The following C11orf16 variants were observed in gnomAD, a reference collection of about 807,000 sequenced individuals.
C11orf16 encodes the protein chromosome 11 open reading frame 16.
Under a neutral mutation model 45.1 loss-of-function variants are expected in C11orf16, and 38 were observed. That is an observed-to-expected ratio of 0.84 (90% confidence interval 0.65 to 1.10). C11orf16 has a LOEUF of 1.10. C11orf16 is among the 50% of genes least tolerant of loss of function. The pLI is 0.00. For missense variants in C11orf16, 583 were observed against 569.5 expected (o/e 1.02, Z -0.24); for synonymous variants, 221 against 222.0 (o/e 1.00, Z 0.04).
At chr11:8,924,640 G>A (rs1336927230) in intron 5 of C11orf16, among the ~76,000 whole-genome samples, 3 of 152,142 alleles carry the variant, frequency 2.0e-5, no homozygotes, top group Non-Finnish European at 4.4e-5. Flanking sequence ...CCCCCAGTGG[G>A]TCCCAGTGTG....
chr11:8,926,185 CTTTTTTT>C, intron 4 of C11orf16, 78 bp from the exon 5 acceptor site: 15 of 886,402 alleles, frequency 1.7e-5, no homozygotes, highest in African/African-American at 2.1e-5. Context: ...TTTTTCTTTT[CTTTTTTT>C]TTTTTTTTTT....
In C11orf16 at chr11:8,920,310, A is replaced by C. The variant is rs774162186; in HGVS notation, c.*163T>G. ...AGGTGCCTTCCTGCTGCTTATCTGCAGGGAGGTCTTCGTGGGGTGGAGATA... is the reference window on the plus strand; with the variant it reads ...AGGTGCCTTCCTGCTGCTTATCTGCCGGGAGGTCTTCGTGGGGTGGAGATA... On this transcript the variant is annotated 3_prime_UTR_variant, in exon 7 of 7. Transcript: ENST00000326053. 15 of 520,256 alleles carry C rather than the reference A, an allele frequency of 2.9e-5. No homozygotes were observed. The highest frequency in any genetic ancestry group is 4.4e-5 in the Non-Finnish European group (13 of 295,440). 32.2% of individuals were successfully genotyped at this position (520,256 alleles called of 1,614,324 possible). A position where few individuals can be genotyped will look rare whatever the true frequency, so the allele number is the denominator to read the frequency against.
At position 8,929,404 on chromosome 11, in the gene C11orf16, G is replaced by T; in HGVS notation, c.297C>A (p.Tyr99Ter). 1 of 1,614,048 alleles carries T rather than the reference G, an allele frequency of 6.2e-7. No individual in the cohort carries two copies. Among genetic ancestry groups the T allele is most frequent in the Non-Finnish European group, 8.5e-7 (1 of 1,179,974 alleles). Residue 99 changes from tyrosine (Y) to a stop codon, truncating the protein, a stop_gained, in exon 3 of 7, where the codon TAC (tyrosine) becomes TAA (stop). Coordinates refer to ENST00000326053, the MANE Select transcript of C11orf16 (RefSeq NM_020643.3). LOFTEE classifies it high-confidence loss of function. ...LARREADGFYYRAQIKATPEL... is the reference protein window; with the variant it reads ...LARREADGFY ...CGGGAGTGGCCTTTATTTGGGCCCG[G>T]TAGTAAAAACCATCTGCTTCCCTTC...
At position 8,927,134 on chromosome 11, in the gene C11orf16, G is replaced by A. The variant is rs1448003365; in HGVS notation, c.365C>T (p.Pro122Leu). 1 of 1,614,024 alleles carries A rather than the reference G, an allele frequency of 6.2e-7. No homozygotes were observed. Among genetic ancestry groups the A allele is most frequent in the South Asian group, 1.1e-5 (1 of 91,066 alleles). Residue 122 changes from proline to leucine, a missense_variant, in exon 4 of 7, where the codon CCT becomes CTT. Pro to Leu is a moderately conservative substitution (Grantham distance 98). Coordinates refer to ENST00000326053, the MANE Select transcript of C11orf16 (RefSeq NM_020643.3). ...TGGCAGCTTTGGGCCTGCGACAAGAGGAGCCTCGAATTCCACAAGCAGGAC... is the reference window on the plus strand; with the variant it reads ...TGGCAGCTTTGGGCCTGCGACAAGAAGAGCCTCGAATTCCACAAGCAGGAC... Reference protein sequence around the residue: ...QGVLLVEFEAPLVAGPKLPAQ... With the variant: ...QGVLLVEFEALLVAGPKLPAQ...
In C11orf16 at chr11:8,927,086, A is replaced by G. The variant is rs1049071940; in HGVS notation, c.413T>C (p.Leu138Ser). The part of the protein sequence containing the change: ...KLPAQQQRVV[L>S]EEDVIPLSPS... ...TGAGAGAGGAATGACATCCTCTTCTAAGACCACTCTCTGCTGCTGGGCTGG... is the reference window on the plus strand; with the variant it reads ...TGAGAGAGGAATGACATCCTCTTCTGAGACCACTCTCTGCTGCTGGGCTGG... The change falls in exon 4 of 7, where the codon TTA becomes TCA. Residue 138 changes from leucine (L) to serine (S), a missense_variant. Leu to Ser is a moderately radical substitution (Grantham distance 145, BLOSUM62 -2). Transcript: ENST00000326053. The G allele has an allele frequency of 6.2e-7, 1 of 1,614,058 alleles. No homozygotes were observed. The highest frequency in any genetic ancestry group is 1.3e-5 in the African/African-American group (1 of 74,932).
rs1397088017 is a variant in C11orf16 at position 8,920,367 on chromosome 11, G to C, written c.*106C>G. 1.6e-6 allele frequency: 1 copy of C among 631,484 alleles called. No homozygotes were observed. The highest frequency in any genetic ancestry group is 1.9e-5 in the African/African-American group (1 of 53,562). 39.1% of individuals were successfully genotyped at this position (631,484 alleles called of 1,614,324 possible). On this transcript the variant is annotated 3_prime_UTR_variant, in exon 7 of 7. Coordinates refer to ENST00000326053, the MANE Select transcript of C11orf16 (RefSeq NM_020643.3). The stretch of plus-strand genomic sequence containing the variant: ...GTTATTTGACTGTTACCTGTGGCCT[G>C]TCCTCTGCCTCCTTCCGTTGAAGAA...
chr11:8,920,443 T>G lies in C11orf16; in HGVS notation c.*30A>C, dbSNP rs534345395. On this transcript the variant is annotated 3_prime_UTR_variant, in exon 7 of 7. Coordinates refer to ENST00000326053, the MANE Select transcript of C11orf16 (RefSeq NM_020643.3). ...TCTCCTCGAATATTTACCATGTTTATTCTTTACCTATAAAAGGGGGAAAAA... is the reference window on the plus strand; with the variant it reads ...TCTCCTCGAATATTTACCATGTTTAGTCTTTACCTATAAAAGGGGGAAAAA... 2 of 676,974 alleles carry G rather than the reference T, an allele frequency of 3.0e-6. No homozygotes were observed. Among genetic ancestry groups the G allele is most frequent in the South Asian group, 3.2e-5 (2 of 62,868 alleles). The allele number at this position is 676,974 out of a possible 1,614,324, so 41.9% of individuals were successfully genotyped here. A position where few individuals can be genotyped will look rare whatever the true frequency, so the allele number is the denominator to read the frequency against.
At chr11:8,928,346 A>C (rs1342136859) in intron 3 of C11orf16, among the ~76,000 whole-genome samples, 1 of 152,140 alleles carries the variant, frequency 6.6e-6, no homozygotes, top group Non-Finnish European at 1.5e-5. Context: ...TAGCCACTGA[A>C]GTACAGGCCA....
At position 8,921,425 on chromosome 11, in the gene C11orf16, A is replaced by G; in HGVS notation, c.1295T>C (p.Val432Ala). The change falls in exon 6 of 7, where the codon GTC becomes GCC. Residue 432 changes from valine (V) to alanine (A), a missense_variant. Val to Ala is a moderately conservative substitution (Grantham distance 64). Transcript: ENST00000326053. Reference sequence around the variant, plus strand: ...TGGCTTCATGTGGGTTGCTTTCGAGACCAGCTCCTTGGTAGTCCCCACTAC... The same window carrying G: ...TGGCTTCATGTGGGTTGCTTTCGAGGCCAGCTCCTTGGTAGTCCCCACTAC... The part of the protein sequence containing the change: ...TAVVGTTKEL[V>A]SKATHMKPPR... 1 of 1,614,160 alleles carries G rather than the reference A, an allele frequency of 6.2e-7. No individual in the cohort carries two copies. The highest frequency in any genetic ancestry group is 2.2e-5 in the East Asian group (1 of 44,884).
At chr11:8,922,802 A>G (rs1371494630) in intron 5 of C11orf16, among the ~76,000 whole-genome samples, 1 of 152,256 alleles carries the variant, frequency 6.6e-6, no homozygotes. Context: ...GGAGGGGAGA[A>G]AAGCAAAGCT....
chr11:8,921,417 C>T lies in C11orf16; in HGVS notation c.1303G>A (p.Ala435Thr), dbSNP rs768609391. 2 of 1,614,208 alleles carry T rather than the reference C, an allele frequency of 1.2e-6. No homozygotes were observed. The highest frequency in any genetic ancestry group is 1.7e-5 in the Admixed American group (1 of 60,024). The change falls in exon 6 of 7, where the codon GCA (alanine) becomes ACA (threonine). Residue 435 changes from alanine to threonine, a missense_variant. Coordinates refer to ENST00000326053, the MANE Select transcript of C11orf16 (RefSeq NM_020643.3). ...VGTTKELVSK[A>T]THMKPPRTPP... ...GTCCGCGGTGGCTTCATGTGGGTTG[C>T]TTTCGAGACCAGCTCCTTGGTAGTC...
At position 8,932,234 on chromosome 11, in the gene C11orf16, G is replaced by A. The variant is rs1462827215; in HGVS notation, c.75C>T (p.Gly25=). Residue 25 remains glycine (G), a synonymous_variant, in exon 2 of 7, where the codon GGC becomes GGT. Transcript: ENST00000326053. ...CCCAAGGTGGAGCAGCACCGTCCCA[G>A]CCAGGGGCCTTCAGGCTTGTGGCCA... The part of the protein sequence containing the change: ...CSVATSLKAP[G]WDGAAPPWDL... 5.6e-6 allele frequency: 9 copies of A among 1,609,292 alleles called. No individual in the cohort carries two copies. The highest frequency in any genetic ancestry group is 7.6e-6 in the Non-Finnish European group (9 of 1,178,044).
chr11:8,923,293 C>T (rs1175874222), intron 5 of C11orf16, among the ~76,000 whole-genome samples: 1 of 152,150 alleles, frequency 6.6e-6, no homozygotes, highest in African/African-American at 2.4e-5. Flanking sequence ...GGAACACAGA[C>T]GTGGTATCTA....
intron 5 of C11orf16, among the ~76,000 whole-genome samples, chr11:8,925,022 AGT>A (rs2064600279): frequency 6.6e-6 from 1 of 152,138 alleles, no homozygotes; most frequent in South Asian, 2.1e-4. Context: ...CCAGCAGGAG[AGT>A]GGGGCCTCAC....
chr11:8,922,409 A>G (rs1260215100), intron 5 of C11orf16, among the ~76,000 whole-genome samples: 1 of 152,112 alleles, frequency 6.6e-6, no homozygotes, highest in Non-Finnish European at 1.5e-5. Flanking sequence ...AACAAAAATA[A>G]TGGGAGATGT....
intron 5 of C11orf16, among the ~76,000 whole-genome samples, chr11:8,922,349 G>C (rs1043043235): frequency 1.3e-5 from 2 of 151,640 alleles, no homozygotes; most frequent in African/African-American, 4.8e-5. Context: ...CACCAGCCTG[G>C]GTGACATAGT....
At chr11:8,931,171 A>T (rs931381977) in intron 2 of C11orf16, among the ~76,000 whole-genome samples, 1 of 151,980 alleles carries the variant, frequency 6.6e-6, no homozygotes, top group African/African-American at 2.4e-5. Flanking sequence ...TGGAGACCCC[A>T]CATTAGCTGA....
At position 8,920,195 on chromosome 11, in the gene C11orf16, T is replaced by A. The variant is rs1032807079; in HGVS notation, c.*278A>T. ...TTGCCCAAAGCAGGCTGACCCCCTC[T>A]TCCACGGAAGAGGCATCTTAAAGCA... On this transcript the variant is annotated 3_prime_UTR_variant, in exon 7 of 7. Transcript: ENST00000326053. The A allele has an allele frequency of 7.1e-5, 27 of 380,974 alleles. No homozygotes were observed. Among genetic ancestry groups the A allele is most frequent in the Non-Finnish European group, 9.8e-5 (21 of 215,304 alleles). The allele number at this position is 380,974 out of a possible 1,614,324, so 23.6% of individuals were successfully genotyped here.
Position 8,925,744 on chromosome 11 carries a change from T to C in C11orf16, c.923A>G (p.Glu308Gly). The change falls in exon 5 of 7, where the codon GAG becomes GGG. Residue 308 changes from glutamate (E) to glycine (G), a missense_variant. Physicochemically the swap from Glu to Gly is moderately conservative, Grantham distance 98 (BLOSUM62 -2). Transcript: ENST00000326053. ...TSEVMARELP[E>G]LEPTAQLLPL... ...CAAAAGCTGTGCTGTGGGCTCCAAC[T>C]CTGGAAGTTCTCTGGCCATGACTTC... 1.2e-6 allele frequency: 2 copies of C among 1,614,226 alleles called. No individual in the cohort carries two copies. The highest frequency in any genetic ancestry group is 1.7e-6 in the Non-Finnish European group (2 of 1,180,032).
Sources: gnomAD v4.1 joint callset for allele counts (sites outside exome capture counted in the v4.1 genomes callset) on GRCh38, gnomAD v4.1.1 for gene constraint, MANE v1.5 for transcripts, NCBI Gene and HGNC (gene_info 2026-07-23, HGNC 2026-07-21) for gene names.